Variants in JMY observed in about 807,000 individuals in gnomAD.
JMY encodes the protein junction mediating and regulatory protein, p53 cofactor.
In JMY, 46 loss-of-function variants were observed where a neutral mutation model predicts 103.3. The ratio of observed to expected loss-of-function variants is 0.45; its 90% CI spans 0.35 to 0.57. The LOEUF (loss-of-function observed/expected upper bound fraction) is 0.57. Ranked by LOEUF, JMY falls within the 20% of genes least tolerant of loss-of-function variation. The probability of loss-of-function intolerance (pLI) is 0.00; values close to 1 mark genes in which losing one functional copy is unlikely to be tolerated. For synonymous variants in JMY, 526 were observed against 489.3 expected (o/e 1.07, Z -0.99); for missense variants, 1,238 against 1,255.2 (o/e 0.99, Z 0.21).
rs1294180760 is a variant in JMY, at chr5:79,322,270, T to C, written c.*668T>C. ...ACATGGCATATTTTTAGGAGTCTTA[T>C]ACTTTGTAAGGTTTTGAAGTTTCCG... On this transcript the variant is annotated 3_prime_UTR_variant, in exon 11 of 11. Transcript: ENST00000396137. The C allele has an allele frequency of 6.6e-6, 1 of 152,254 alleles. No individual in the cohort carries two copies. The highest frequency in any genetic ancestry group is 1.5e-5 in the Non-Finnish European group (1 of 68,038). The allele number at this position is 152,254 out of a possible 1,614,324, so 9.4% of individuals were successfully genotyped here.
At position 79,290,256 on chromosome 5, in the gene JMY, G is replaced by A; in HGVS notation, c.1342G>A (p.Ala448Thr). 1 of 1,486,516 alleles carries A rather than the reference G, an allele frequency of 6.7e-7. No homozygotes were observed. The highest frequency in any genetic ancestry group is 9.0e-7 in the Non-Finnish European group (1 of 1,111,410). The allele number at this position is 1,486,516 out of a possible 1,614,324, so 92.1% of individuals were successfully genotyped here. A position where few individuals can be genotyped will look rare whatever the true frequency, so the allele number is the denominator to read the frequency against. ...DLTVKYFEIT[A>T]KAQKAVYDRM... is the part of the protein sequence containing the mutation. The stretch of plus-strand genomic sequence containing the variant: ...TACTGTCAAGTACTTTGAAATAACA[G>A]CTAAAGCTCAAAAAGGTAGGTTTCT... Residue 448 changes from alanine to threonine, a missense_variant, in exon 3 of 11, where the codon GCT becomes ACT. Physicochemically the swap from Ala to Thr is moderately conservative, Grantham distance 58 (BLOSUM62 0). Transcript: ENST00000396137.
At chr5:79,238,595 C>T (rs1744598533) in intron 1 of JMY, among the ~76,000 whole-genome samples, 1 of 150,846 alleles carries the variant, frequency 6.6e-6, no homozygotes, top group Non-Finnish European at 1.5e-5. Flanking sequence ...ACTGTTTTTA[C>T]TATTAATGCA....
intron 2 of JMY, among the ~76,000 whole-genome samples, chr5:79,289,222 G>A (rs544950811): frequency 3.5e-5 from 5 of 141,292 alleles, no homozygotes; most frequent in Admixed American, 7.2e-5. Context: ...ACAACAAAGC[G>A]AGACGCCGTC....
chr5:79,288,804 A>C (rs574294008), intron 2 of JMY, among the ~76,000 whole-genome samples: 1 of 151,864 alleles, frequency 6.6e-6, no homozygotes, highest in East Asian at 1.9e-4. Flanking sequence ...CCTGGTCACA[A>C]GCAATCCTCC....
intron 1 of JMY, among the ~76,000 whole-genome samples, chr5:79,239,347 C>T (rs891175875): frequency 2.0e-5 from 3 of 152,176 alleles, no homozygotes; most frequent in African/African-American, 7.2e-5. Context: ...CACATATATT[C>T]TCAGAAGTGT....
In JMY at chr5:79,239,437, T is replaced by C. The variant is rs557388386; in HGVS notation, c.1032+1755T>C. On this transcript the variant is annotated intron_variant, in intron 1 of 10. Transcript: ENST00000396137. ...TTCTCTTATTAGATTTACAGATATATTTTTTAAAATACATATTCTTAAAAA... is the reference window on the plus strand; with the variant it reads ...TTCTCTTATTAGATTTACAGATATACTTTTTAAAATACATATTCTTAAAAA... 1.6e-4 allele frequency among the ~76,000 whole-genome samples: 24 copies of C among 152,336 alleles called. No individual in the cohort carries two copies. The South Asian group carries it at 4.1e-3, about 26-fold the overall frequency.
intron 7 of JMY, among the ~76,000 whole-genome samples, chr5:79,309,054 AATAATCT>A (rs1456956263): frequency 6.6e-6 from 1 of 152,154 alleles, no homozygotes; most frequent in Non-Finnish European, 1.5e-5. Flanking sequence ...GCTTTTTCTT[AATAATCT>A]ATAATCTAGA....
intron 4 of JMY, among the ~76,000 whole-genome samples, 154 bp from the exon 5 acceptor site, chr5:79,299,999 T>TATA (rs1746683694): frequency 6.6e-6 from 1 of 151,798 alleles, no homozygotes; most frequent in African/African-American, 2.4e-5. Flanking sequence ...TATATATATA[T>TATA]ATTTTTAAAG....
intron 6 of JMY, among the ~76,000 whole-genome samples, chr5:79,302,626 C>T (rs73769611): frequency 1.1e-4 from 17 of 152,300 alleles, no homozygotes; most frequent in African/African-American, 3.4e-4. Context: ...GAGCATTCTA[C>T]ATTGTAAGAC....
At position 79,289,655 on chromosome 5, in the gene JMY, T is replaced by C. The variant is rs369792627; in HGVS notation, c.1207-466T>C. ...CACCGTGCCTGGCCTTCCTCTGTTA[T>C]TGTTATCTAAAGTCTTTTCAGTATG... On this transcript the variant is annotated intron_variant, in intron 2 of 10. Coordinates refer to ENST00000396137, the MANE Select transcript of JMY (RefSeq NM_152405.5). Among the ~76,000 whole-genome samples, 20 of 152,316 alleles carry C rather than the reference T, an allele frequency of 1.3e-4. 1 individual carries two copies. The East Asian group carries it at 1.7e-3, about 13-fold the overall frequency.
At chr5:79,316,950 T>C (rs1396990411) in intron 10 of JMY, among the ~76,000 whole-genome samples, 1 of 150,456 alleles carries the variant, frequency 6.6e-6, no homozygotes, top group African/African-American at 2.4e-5. Flanking sequence ...GGTTCGCTTC[T>C]GTAGTCCCAG....
chr5:79,311,696 TAA>T (rs965204662), intron 7 of JMY, among the ~76,000 whole-genome samples: 26 of 152,222 alleles, frequency 1.7e-4, no homozygotes, highest in African/African-American at 5.8e-4. Flanking sequence ...TAGGGAAAAT[TAA>T]AAGTTTGTTT....
chr5:79,248,236 GC>G (rs1460831414), intron 1 of JMY, among the ~76,000 whole-genome samples: 9 of 151,930 alleles, frequency 5.9e-5, no homozygotes, highest in African/African-American at 2.4e-5. Flanking sequence ...CACCAAGTTG[GC>G]CAGGCTGGTC....
At chr5:79,272,679 G>T (rs903602439) in intron 1 of JMY, among the ~76,000 whole-genome samples, 5 of 152,088 alleles carry the variant, frequency 3.3e-5, no homozygotes, top group African/African-American at 1.2e-4. Context: ...TTTCTCCCAG[G>T]TTAGAGTGCA....
chr5:79,256,216 G>C (rs568995793), intron 1 of JMY, among the ~76,000 whole-genome samples: 1 of 152,216 alleles, frequency 6.6e-6, no homozygotes, highest in African/African-American at 2.4e-5. Context: ...ACAAGCCCAG[G>C]GGGAGTACTG....
chr5:79,250,209 G>A (rs762563512), intron 1 of JMY, among the ~76,000 whole-genome samples: 9 of 152,114 alleles, frequency 5.9e-5, no homozygotes, highest in Non-Finnish European at 1.3e-4. Context: ...ATATTTCCAA[G>A]CCAAAACAAT....
At chr5:79,271,703 T>C (rs370435208) in intron 1 of JMY, among the ~76,000 whole-genome samples, 16 of 152,338 alleles carry the variant, frequency 1.1e-4, no homozygotes, top group African/African-American at 3.8e-4. Context: ...CTTTCTTCCT[T>C]CTTTTTAAAA....
At chr5:79,274,180 T>C (rs1745869346) in intron 1 of JMY, among the ~76,000 whole-genome samples, 1 of 152,182 alleles carries the variant, frequency 6.6e-6, no homozygotes, top group Non-Finnish European at 1.5e-5. Flanking sequence ...TTCAAGTTCA[T>C]TGACTGTTAT....
Position 79,291,308 on chromosome 5 carries a change from AATC to A in JMY, c.1527+14_1527+16del, listed in dbSNP as rs1371209254. On this transcript the variant is annotated intron_variant, in intron 4 of 10. Coordinates refer to ENST00000396137, the MANE Select transcript of JMY (RefSeq NM_152405.5). Reference sequence around the variant, plus strand: ...ATGCACTAAAGGAAGAGGTAACAAAAATCATCAGAAATATAAAATCAGAAAAAG... The same window carrying A: ...ATGCACTAAAGGAAGAGGTAACAAAAATCAGAAATATAAAATCAGAAAAAG... 2 of 1,529,166 alleles carry A rather than the reference AATC, an allele frequency of 1.3e-6. No homozygotes were observed. The highest frequency in any genetic ancestry group is 2.2e-5 in the Admixed American group (1 of 44,454). 94.7% of individuals were successfully genotyped at this position (1,529,166 alleles called of 1,614,324 possible).
Sources: gnomAD v4.1 joint callset for allele counts (sites outside exome capture counted in the v4.1 genomes callset) on GRCh38, gnomAD v4.1.1 for gene constraint, MANE v1.5 for transcripts, NCBI Gene and HGNC (gene_info 2026-07-23, HGNC 2026-07-21) for gene names.